The following DLG3 variants were observed in gnomAD, a reference collection of about 807,000 sequenced individuals.
DLG3 encodes discs large MAGUK scaffold protein 3.
A neutral mutation model predicts 64.1 loss-of-function variants in DLG3; 1 was observed. The observed-to-expected ratio is 0.02, with a 90% CI of 0.01 to 0.07. The LOEUF (loss-of-function observed/expected upper bound fraction) is 0.07. Among genes scored for constraint, DLG3 ranks in the 10% least tolerant of loss-of-function variants. The pLI is 1.00. For synonymous variants in DLG3, 245 were observed against 259.8 expected, an observed-to-expected ratio of 0.94 and a Z score of 0.55; for missense variants, 429 against 669.5, an observed-to-expected ratio of 0.64 and a Z score of 3.96.
At chrX:70,490,973 C>T (rs5980952) in intron 10 of DLG3, among the ~76,000 whole-genome samples, 15,331 of 107,841 alleles carry the variant, frequency 0.14, 1,129 homozygotes, top group Non-Finnish European at 0.2. Context: ...GGTGCAGTGT[C>T]GTAATCTTGG....
At position 70,482,010 on chromosome X, in the gene DLG3, C is replaced by T. The variant is rs181692033; in HGVS notation, c.1520+2746C>T. 2.2e-3 allele frequency among the ~76,000 whole-genome samples: 241 copies of T among 112,051 alleles called. 1 individual carries two copies. The highest frequency in any genetic ancestry group is 7.4e-3 in the African/African-American group (228 of 30,844). On this transcript the variant is annotated intron_variant, in intron 10 of 18. Transcript: ENST00000374360. The stretch of plus-strand genomic sequence containing the variant: ...ACATGTGCATAAATAAAACTGCCCT[C>T]TCAGCGCCTCAAACAAGCGGCATGT...
At chrX:70,448,791 G>C (rs2086590720) in intron 1 of DLG3, 122 bp from the exon 2 acceptor site, 1 of 980,006 alleles carries the variant, frequency 1.0e-6, no homozygotes, top group Non-Finnish European at 1.4e-6. Flanking sequence ...TGGCCAAGAG[G>C]TGACCTGGGG....
intron 11 of DLG3, 34 bp from the exon 12 acceptor site, chrX:70,492,487 G>A: frequency 8.4e-7 from 1 of 1,192,340 alleles, no homozygotes; most frequent in Non-Finnish European, 1.1e-6. Flanking sequence ...CCATTTACTG[G>A]CAGTAACAGG....
At chrX:70,484,661 C>G (rs2087223108) in intron 10 of DLG3, among the ~76,000 whole-genome samples, 1 of 112,070 alleles carries the variant, frequency 8.9e-6, no homozygotes, top group Non-Finnish European at 1.9e-5. Flanking sequence ...AACACTAGTC[C>G]TGGGCTTGCA....
rs996312618 is a variant in DLG3 at position 70,503,591 on chromosome X, G to A, written c.*1322G>A. 1.8e-5 allele frequency: 2 copies of A among 110,916 alleles called. No homozygotes were observed. The highest frequency in any genetic ancestry group is 6.6e-5 in the African/African-American group (2 of 30,482). 9.1% of individuals were successfully genotyped at this position (110,916 alleles called of 1,213,427 possible). ...GCTTGGCCAGCTGCGTCATGAGTTT[G>A]ATTTGGTTTTTTTTTTTTTGCAGCT... On this transcript the variant is annotated 3_prime_UTR_variant, in exon 19 of 19. Coordinates refer to ENST00000374360, the MANE Select transcript of DLG3 (RefSeq NM_021120.4).
Position 70,498,715 on chromosome X carries a change from TCTC to T in DLG3, c.1870+146_1870+148del, listed in dbSNP as rs368901720. 5.0e-5 allele frequency: 28 copies of T among 560,758 alleles called. 1 individual carries two copies. Among genetic ancestry groups the T allele is most frequent in the African/African-American group, 2.7e-4 (12 of 43,849 alleles). 46.2% of individuals were successfully genotyped at this position (560,758 alleles called of 1,213,427 possible). A position where few individuals can be genotyped will look rare whatever the true frequency, so the allele number is the denominator to read the frequency against. Reference sequence around the variant, plus strand: ...CACATCCAGCCCCTGGGCTCCTTCTTCTCTATGCTTCTTCCTAGTGTCATAGGG... The same window carrying T: ...CACATCCAGCCCCTGGGCTCCTTCTTTATGCTTCTTCCTAGTGTCATAGGG... On this transcript the variant is annotated intron_variant, in intron 14 of 18. Transcript: ENST00000374360.
chrX:70,450,500 T>TC (rs1414490456), intron 5 of DLG3, 139 bp from the exon 6 acceptor site: 1 of 938,133 alleles, frequency 1.1e-6, no homozygotes, highest in East Asian at 3.4e-5. Flanking sequence ...ATCCCCTACC[T>TC]CCTGCCTCTG....
At chrX:70,460,632 G>GTA (rs1345926859) in intron 9 of DLG3, among the ~76,000 whole-genome samples, 1 of 112,357 alleles carries the variant, frequency 8.9e-6, no homozygotes, top group Non-Finnish European at 1.9e-5. Context: ...TCATTTAAGA[G>GTA]TATACTTAAG....
At chrX:70,472,912 T>A (rs1286207062) in intron 9 of DLG3, among the ~76,000 whole-genome samples, 2 of 111,060 alleles carry the variant, frequency 1.8e-5, no homozygotes, top group Non-Finnish European at 3.8e-5. Context: ...ATCCCAGCAC[T>A]TTGGGAGGCC....
chrX:70,502,559 A>G lies in DLG3; in HGVS notation c.*290A>G, dbSNP rs2087584446. The G allele has an allele frequency of 4.0e-6, 1 of 252,410 alleles. No individual in the cohort carries two copies. The allele number at this position is 252,410 out of a possible 1,213,427, so 20.8% of individuals were successfully genotyped here. On this transcript the variant is annotated 3_prime_UTR_variant, in exon 19 of 19. Transcript: ENST00000374360. ...CACAGGTGCAAAATCCATCAGAGCC[A>G]TTGTTTTCATAAAAACCAAGCAGAA...
At chrX:70,449,948 T>A in intron 4 of DLG3, 89 bp downstream of exon 4, 1 of 1,084,956 alleles carries the variant, frequency 9.2e-7, no homozygotes, top group Admixed American at 2.6e-5. Context: ...GGAATGGCCT[T>A]ACTCCTTGCC....
At chrX:70,478,091 T>C (rs2087087644) in intron 9 of DLG3, among the ~76,000 whole-genome samples, 1 of 112,469 alleles carries the variant, frequency 8.9e-6, no homozygotes, top group Admixed American at 9.4e-5. Context: ...AAAGTCAGCT[T>C]GTCATAGTGA....
At chrX:70,452,620 C>A in intron 7 of DLG3, 1 of 1,182,187 alleles carries the variant, frequency 8.5e-7, no homozygotes, top group Non-Finnish European at 1.1e-6. Context: ...GAGAGAGGAG[C>A]TATGGAGAGG....
intron 10 of DLG3, among the ~76,000 whole-genome samples, chrX:70,483,053 G>A (rs989974017): frequency 9.0e-6 from 1 of 111,018 alleles, no homozygotes; most frequent in African/African-American, 3.3e-5. Flanking sequence ...GGCCAAGATA[G>A]GAGGATTGCT....
At position 70,502,821 on chromosome X, in the gene DLG3, T is replaced by C. The variant is rs2087589562; in HGVS notation, c.*552T>C. 1 of 108,114 alleles carries C rather than the reference T, an allele frequency of 9.2e-6. No homozygotes were observed. Among genetic ancestry groups the C allele is most frequent in the Non-Finnish European group, 1.9e-5 (1 of 52,555 alleles). The allele number at this position is 108,114 out of a possible 1,213,427, so 8.9% of individuals were successfully genotyped here. ...TAGAAATTATTATATATATATATTA[T>C]ACACTCTCATATAATATATATATAT... On this transcript the variant is annotated 3_prime_UTR_variant, in exon 19 of 19. Coordinates refer to ENST00000374360, the MANE Select transcript of DLG3 (RefSeq NM_021120.4).
intron 17 of DLG3, 155 bp downstream of exon 17, chrX:70,500,735 G>A (rs1450441946): frequency 1.5e-6 from 1 of 672,479 alleles, no homozygotes; most frequent in Non-Finnish European, 2.4e-6. Flanking sequence ...TTGTGCATAT[G>A]TTCATGGTTG....
intron 9 of DLG3, among the ~76,000 whole-genome samples, chrX:70,474,377 A>T (rs374322619): frequency 2.7e-4 from 30 of 111,477 alleles, no homozygotes; most frequent in African/African-American, 9.5e-4. Context: ...AATCAACAGT[A>T]CGGCAATGAC....
intron 9 of DLG3, among the ~76,000 whole-genome samples, chrX:70,467,073 A>G (rs1235553383): frequency 9.0e-6 from 1 of 110,554 alleles, no homozygotes; most frequent in Non-Finnish European, 1.9e-5. Context: ...GCTACCAAGC[A>G]TGGCTAATTT....
At chrX:70,484,731 C>T (rs1321189478) in intron 10 of DLG3, among the ~76,000 whole-genome samples, 1 of 111,775 alleles carries the variant, frequency 8.9e-6, no homozygotes, top group African/African-American at 3.3e-5. Flanking sequence ...AACAGTCGCT[C>T]ATTGCGGGCT....
Sources: allele counts gnomAD v4.1 joint callset (sites outside exome capture counted in the v4.1 genomes callset), GRCh38; gene constraint gnomAD v4.1.1; transcripts MANE v1.5; gene names NCBI Gene and HGNC (gene_info 2026-07-23, HGNC 2026-07-21).